The following UROC1 variants were observed in gnomAD, a reference collection of about 807,000 sequenced individuals.
UROC1 encodes urocanate hydratase.
A neutral mutation model predicts 89.5 loss-of-function variants in UROC1; 79 were observed. That is an observed-to-expected ratio of 0.88 (90% CI 0.74 to 1.06). The LOEUF is 1.06. UROC1 is among the 50% of genes least tolerant of loss of function. The probability of loss-of-function intolerance (pLI) is 0.00; values close to 1 mark genes in which losing one functional copy is unlikely to be tolerated. For missense variants in UROC1, 885 were observed against 907.8 expected (o/e 0.97, Z 0.32); for synonymous variants, 361 against 354.8 (o/e 1.02, Z -0.20).
chr3:126,510,452 C>T (rs1465553088), intron 2 of UROC1, among the ~76,000 whole-genome samples: 2 of 152,214 alleles, frequency 1.3e-5, no homozygotes, highest in Admixed American at 6.5e-5. Context: ...AGAAGCTGCC[C>T]CTATCTTCTG....
rs141615324 is a variant in UROC1 at position 126,509,128 on chromosome 3, C to T, written c.351+457G>A. On this transcript the variant is annotated intron_variant, in intron 3 of 19. Transcript: ENST00000290868. ...GCGGGTGCCTGTAGTCCCAGCTACCCGGGAGGCTGAGGTGGGAGGATCACT... is the reference window on the plus strand; with the variant it reads ...GCGGGTGCCTGTAGTCCCAGCTACCTGGGAGGCTGAGGTGGGAGGATCACT... 3.2e-3 allele frequency among the ~76,000 whole-genome samples: 486 copies of T among 151,342 alleles called. 3 individuals are homozygous for T. Among genetic ancestry groups the T allele is most frequent in the African/African-American group, 0.011 (448 of 41,246 alleles).
chr3:126,490,818 T>G (rs1303008582), intron 16 of UROC1, among the ~76,000 whole-genome samples: 1 of 152,132 alleles, frequency 6.6e-6, no homozygotes, highest in Non-Finnish European at 1.5e-5. Context: ...CTCTGCACCT[T>G]TCAGTCAGGA....
At chr3:126,501,959 C>G (rs748463085) in intron 9 of UROC1, 10 of 1,582,294 alleles carry the variant, frequency 6.3e-6, no homozygotes, top group Non-Finnish European at 8.6e-6. Context: ...CTGTGGGAAC[C>G]GTGAGCAGAG....
intron 16 of UROC1, 133 bp from the exon 17 acceptor site, chr3:126,489,508 C>A (rs897446737): frequency 4.1e-6 from 3 of 732,164 alleles, no homozygotes; most frequent in Non-Finnish European, 7.3e-6. Flanking sequence ...CTCTTCACAA[C>A]TATTTCTGAT....
At position 126,481,252 on chromosome 3, in the gene UROC1, G is replaced by C. The variant is rs1935375869; in HGVS notation, c.*1093C>G. 6.6e-6 allele frequency: 1 copy of C among 152,236 alleles called. No homozygotes were observed. The highest frequency in any genetic ancestry group is 2.4e-5 in the African/African-American group (1 of 41,440). 9.4% of individuals were successfully genotyped at this position (152,236 alleles called of 1,614,324 possible). A position where few individuals can be genotyped will look rare whatever the true frequency, so the allele number is the denominator to read the frequency against. ...ACCCTCATCTCGTGGGCCAGGACTA[G>C]GCCAACAGTCCCTCCTAACAGCAAG... is the stretch of plus-strand genomic sequence containing the variant. On this transcript the variant is annotated 3_prime_UTR_variant, in exon 20 of 20. Coordinates refer to ENST00000290868, the MANE Select transcript of UROC1 (RefSeq NM_144639.3).
intron 17 of UROC1, 27 bp from the exon 18 acceptor site, chr3:126,488,306 A>T (rs780943793): frequency 6.2e-7 from 1 of 1,613,636 alleles, no homozygotes; most frequent in Non-Finnish European, 8.5e-7. Flanking sequence ...GCCTCTGCTC[A>T]TCACCCCCTG....
At chr3:126,488,094 G>A (rs911914369) in intron 18 of UROC1, 104 bp downstream of exon 18, 26 of 1,224,802 alleles carry the variant, frequency 2.1e-5, no homozygotes, top group Non-Finnish European at 1.2e-6. Flanking sequence ...AGGTGACCAG[G>A]GAGGTAGGGC....
intron 15 of UROC1, 95 bp downstream of exon 15, chr3:126,495,943 G>A: frequency 1.6e-6 from 2 of 1,257,584 alleles, no homozygotes; most frequent in Non-Finnish European, 2.3e-6. Context: ...GCTGGAGGCT[G>A]TGGACCAGGC....
At chr3:126,513,390 T>C (rs1378724602) in intron 1 of UROC1, among the ~76,000 whole-genome samples, 2 of 152,228 alleles carry the variant, frequency 1.3e-5, no homozygotes, top group African/African-American at 2.4e-5. Flanking sequence ...CGAGGATACG[T>C]TGACAGCCAG....
intron 16 of UROC1, among the ~76,000 whole-genome samples, chr3:126,491,469 C>T (rs962801676): frequency 2.6e-5 from 4 of 152,206 alleles, no homozygotes; most frequent in African/African-American, 9.6e-5. Context: ...CTGGAGCTTC[C>T]TAGCAGTCCC....
chr3:126,483,269 TC>T, intron 19 of UROC1, 99 bp downstream of exon 19: 1 of 1,125,706 alleles, frequency 8.9e-7, no homozygotes. Context: ...CCGGCCCCCA[TC>T]CCCACACCCA....
At chr3:126,510,965 T>C (rs1180157350) in intron 1 of UROC1, among the ~76,000 whole-genome samples, 171 bp from the exon 2 acceptor site, 1 of 151,382 alleles carries the variant, frequency 6.6e-6, no homozygotes, top group Non-Finnish European at 1.5e-5. Flanking sequence ...TGTCACCTCC[T>C]GCAGAAAGCC....
chr3:126,487,131 G>T (rs1438131324), intron 18 of UROC1, among the ~76,000 whole-genome samples: 1 of 152,156 alleles, frequency 6.6e-6, no homozygotes, highest in East Asian at 1.9e-4. Flanking sequence ...CTGCCCTAAG[G>T]CCCTGAGGGT....
At chr3:126,494,259 G>A (rs917548080) in intron 15 of UROC1, among the ~76,000 whole-genome samples, 6 of 152,308 alleles carry the variant, frequency 3.9e-5, no homozygotes, top group Admixed American at 3.9e-4. Context: ...GGGACTTTAA[G>A]TCAAAGCAGA....
At chr3:126,515,575 C>T (rs1370871126) in intron 1 of UROC1, among the ~76,000 whole-genome samples, 39 of 100,408 alleles carry the variant, frequency 3.9e-4, no homozygotes, top group African/African-American at 6.8e-4. Context: ...CACTCCCCAG[C>T]ACCCACCACC....
At position 126,483,447 on chromosome 3, in the gene UROC1, TC is replaced by T; in HGVS notation, c.1811del (p.Gly604AspfsTer18). 6.2e-7 allele frequency: 1 copy of T among 1,613,780 alleles called. No homozygotes were observed. The highest frequency in any genetic ancestry group is 8.5e-7 in the Non-Finnish European group (1 of 1,180,016). ...GGGTACCGTCCAGCACGAGGCCGAATCCCCCGTTGATCACCTCACCCCTGCA... is the reference window on the plus strand; with the variant it reads ...GGGTACCGTCCAGCACGAGGCCGAATCCCCGTTGATCACCTCACCCCTGCA... The part of the protein sequence containing the change: ...GVGWGEVING[G>X]FGLVLDGTPE... On this transcript the variant is annotated frameshift_variant, in exon 19 of 20. Transcript: ENST00000290868. LOFTEE classifies it high-confidence loss of function.
At chr3:126,503,820 T>C (rs770080180) in intron 9 of UROC1, among the ~76,000 whole-genome samples, 175 bp downstream of exon 9, 10 of 151,818 alleles carry the variant, frequency 6.6e-5, no homozygotes, top group African/African-American at 1.9e-4. Flanking sequence ...CTTGTGTGCG[T>C]GTGTGTGTGT....
At position 126,500,796 on chromosome 3, in the gene UROC1, G is replaced by A; in HGVS notation, c.1044C>T (p.Asn348=). The A allele has an allele frequency of 6.2e-7, 1 of 1,614,070 alleles. No individual in the cohort carries two copies. The highest frequency in any genetic ancestry group is 2.2e-5 in the East Asian group (1 of 44,874). ...DLGSDQTSCH[N]PFNGGYYPVQ... Reference sequence around the variant, plus strand: ...CAGGGTAGTAGCCGCCATTGAACGGGTTGTGGCAGGATGTCTGATCTGACC... The same window carrying A: ...CAGGGTAGTAGCCGCCATTGAACGGATTGTGGCAGGATGTCTGATCTGACC... The change falls in exon 11 of 20, where the codon AAC becomes AAT. Residue 348 remains asparagine (N), a synonymous_variant. Transcript: ENST00000290868.
chr3:126,494,487 G>A (rs1935729648), intron 15 of UROC1, among the ~76,000 whole-genome samples: 2 of 152,218 alleles, frequency 1.3e-5, no homozygotes, highest in African/African-American at 2.4e-5. Context: ...TGTTGGCACG[G>A]GGACTCTGAG....
Sources: allele counts gnomAD v4.1 joint callset (sites outside exome capture counted in the v4.1 genomes callset), GRCh38; gene constraint gnomAD v4.1.1; transcripts MANE v1.5; gene names NCBI Gene and HGNC (gene_info 2026-07-23, HGNC 2026-07-21).